Variants in LOC728392 observed in about 807,000 individuals in gnomAD.
At chr17:5,500,443 T>G in the LOC728392 span, 1 of 1,138,802 alleles carries the variant, frequency 8.8e-7, no homozygotes, top group African/African-American at 1.7e-5. The surrounding 1 kb of genome is among the most constrained non-coding windows in gnomAD (Gnocchi z 5.4). Context: ...TTCGTACTGA[T>G]AGACAAAGAT....
chr17:5,500,223 A>G, the LOC728392 span: 1 of 991,346 alleles, frequency 1.0e-6, no homozygotes, highest in South Asian at 4.5e-5. The surrounding 1 kb of genome is among the most constrained non-coding windows in gnomAD (Gnocchi z 5.4). Flanking sequence ...CTCATCCCTT[A>G]AAGATTCCAA....
the LOC728392 span, chr17:5,500,784 G>A: frequency 8.6e-7 from 1 of 1,166,988 alleles, no homozygotes; most frequent in African/African-American, 1.7e-5. The surrounding 1 kb of genome is among the most constrained non-coding windows in gnomAD (Gnocchi z 5.4). Flanking sequence ...GCCCCCCTGC[G>A]CCCTCCCGCC....
chr17:5,499,890 T>A, the LOC728392 span: 1 of 985,672 alleles, frequency 1.0e-6, no homozygotes, highest in Non-Finnish European at 1.2e-6. Flanking sequence ...GGACGTGGTC[T>A]CCTGGTGAGA....
the LOC728392 span, chr17:5,500,570 G>T: frequency 8.1e-7 from 1 of 1,240,830 alleles, no homozygotes. This position sits in a 1 kb window ranked among gnomAD's most constrained non-coding sequence, Gnocchi z 5.4. Flanking sequence ...GCTCGGTCCT[G>T]CGCCCACCCC....
chr17:5,500,810 C>T, the LOC728392 span: 1 of 1,175,260 alleles, frequency 8.5e-7, no homozygotes, highest in South Asian at 1.6e-5. The surrounding 1 kb of genome is among the most constrained non-coding windows in gnomAD (Gnocchi z 5.4). Context: ...GCCGACCAGC[C>T]TTCTTGCCCG....
chr17:5,500,394 ACAGCACCC>A, the LOC728392 span: 1 of 1,087,396 alleles, frequency 9.2e-7, no homozygotes, highest in East Asian at 1.1e-4. This position sits in a 1 kb window ranked among gnomAD's most constrained non-coding sequence, Gnocchi z 5.4. Flanking sequence ...GCAGGTGCAA[ACAGCACCC>A]CTATTTCATT....
the LOC728392 span, chr17:5,499,895 G>C: frequency 1.0e-6 from 1 of 985,482 alleles, no homozygotes; most frequent in Middle Eastern, 5.2e-4. Flanking sequence ...TGGTCTCCTG[G>C]TGAGACAGCT....
the LOC728392 span, chr17:5,500,989 T>A: frequency 8.2e-7 from 1 of 1,220,518 alleles, no homozygotes; most frequent in South Asian, 1.3e-5. This position sits in a 1 kb window ranked among gnomAD's most constrained non-coding sequence, Gnocchi z 5.4. Flanking sequence ...GTCAGCCGGG[T>A]CTGGGTCAGA....
At chr17:5,500,251 G>A in the LOC728392 span, 1 of 995,394 alleles carries the variant, frequency 1.0e-6, no homozygotes, top group Non-Finnish European at 1.2e-6. The surrounding 1 kb of genome is among the most constrained non-coding windows in gnomAD (Gnocchi z 5.4). Context: ...CGCACTCTGA[G>A]CTCCCCAAAC....
chr17:5,500,414 C>A, the LOC728392 span: 2 of 1,103,844 alleles, frequency 1.8e-6, no homozygotes, highest in Non-Finnish European at 2.2e-6. The surrounding 1 kb of genome is among the most constrained non-coding windows in gnomAD (Gnocchi z 5.4). Flanking sequence ...TATTTCATTG[C>A]CGGCAGCTAC....
chr17:5,500,217 T>A, the LOC728392 span: 1 of 989,872 alleles, frequency 1.0e-6, no homozygotes, highest in Non-Finnish European at 1.2e-6. The surrounding 1 kb of genome is among the most constrained non-coding windows in gnomAD (Gnocchi z 5.4). Context: ...GTCTGGCTCA[T>A]CCCTTAAAGA....
chr17:5,499,985 G>A, the LOC728392 span: 3 of 986,048 alleles, frequency 3.0e-6, no homozygotes, highest in Non-Finnish European at 3.6e-6. Context: ...GTGGTCAGCC[G>A]GAGCCCCTGG....
the LOC728392 span, chr17:5,500,809 C>T: frequency 8.6e-6 from 10 of 1,166,184 alleles, no homozygotes; most frequent in South Asian, 9.8e-5. The surrounding 1 kb of genome is among the most constrained non-coding windows in gnomAD (Gnocchi z 5.4). Context: ...CGCCGACCAG[C>T]CTTCTTGCCC....
the LOC728392 span, chr17:5,500,946 C>T: frequency 1.4e-5 from 17 of 1,253,634 alleles, no homozygotes; most frequent in Non-Finnish European, 1.7e-5. This position sits in a 1 kb window ranked among gnomAD's most constrained non-coding sequence, Gnocchi z 5.4. Flanking sequence ...CCGAAAGAGC[C>T]CGTCAGCCAT....
chr17:5,500,510 C>A, the LOC728392 span: 1 of 1,190,742 alleles, frequency 8.4e-7, no homozygotes, highest in South Asian at 1.6e-5. This position sits in a 1 kb window ranked among gnomAD's most constrained non-coding sequence, Gnocchi z 5.4. Context: ...GGGGGTGCAG[C>A]GCTGTTCTAA....
the LOC728392 span, chr17:5,500,261 C>T: frequency 1.0e-6 from 1 of 997,896 alleles, no homozygotes. This position sits in a 1 kb window ranked among gnomAD's most constrained non-coding sequence, Gnocchi z 5.4. Context: ...GCTCCCCAAA[C>T]ACAAAATGAT....
chr17:5,500,580 C>G, the LOC728392 span: 10 of 1,242,378 alleles, frequency 8.0e-6, no homozygotes, highest in African/African-American at 1.6e-5. This position sits in a 1 kb window ranked among gnomAD's most constrained non-coding sequence, Gnocchi z 5.4. Flanking sequence ...GCGCCCACCC[C>G]GTCCCGCGCT....
At chr17:5,500,643 G>C in the LOC728392 span, 37 of 1,276,894 alleles carry the variant, frequency 2.9e-5, no homozygotes, top group Non-Finnish European at 3.8e-5. This position sits in a 1 kb window ranked among gnomAD's most constrained non-coding sequence, Gnocchi z 5.4. Context: ...GGAGGTGATG[G>C]AGAAGGCGAT....
the LOC728392 span, chr17:5,500,639 G>T: frequency 7.8e-7 from 1 of 1,276,738 alleles, no homozygotes. The surrounding 1 kb of genome is among the most constrained non-coding windows in gnomAD (Gnocchi z 5.4). Context: ...TGCAGGAGGT[G>T]ATGGAGAAGG....
Sources: gnomAD v4.1 joint callset for allele counts on GRCh38, gnomAD v4.1.1 for gene constraint, Gnocchi (gnomAD v3.1) non-coding constraint, MANE v1.5 for transcripts.